The following PI4K2B variants were observed in gnomAD, a reference collection of about 807,000 sequenced individuals.
PI4K2B encodes phosphatidylinositol 4-kinase type 2 beta, also known as phosphatidylinositol 4-kinase type 2-beta.
Under a neutral mutation model 56.6 loss-of-function variants are expected in PI4K2B, and 46 were observed. The observed-to-expected ratio is 0.81, with a 90% CI of 0.64 to 1.04. PI4K2B has a LOEUF of 1.04. PI4K2B is among the 50% of genes least tolerant of loss of function. The probability of loss-of-function intolerance (pLI) is 0.00; values close to 1 mark genes in which losing one functional copy is unlikely to be tolerated. For synonymous variants in PI4K2B, 211 were observed against 223.8 expected (o/e 0.94, Z 0.51); for missense variants, 556 against 607.7 (o/e 0.91, Z 0.89).
Position 25,265,198 on chromosome 4 carries a change from C to CAAAAAAAAAAAAAAAAAAA in PI4K2B, c.1078+1354_1078+1372dup, listed in dbSNP as rs71188933. On this transcript the variant is annotated intron_variant, in intron 7 of 9. Transcript: ENST00000264864. Reference sequence around the variant, plus strand: ...CAACAAGAGTAAATCTCTGTCTCACCAAAAAAAAAAAAAAAAAAAAAAATT... The same window carrying CAAAAAAAAAAAAAAAAAAA: ...CAACAAGAGTAAATCTCTGTCTCACCAAAAAAAAAAAAAAAAAAAAAAAAAAAAAAAAAAAAAAAAAATT... 1.1e-3 allele frequency among the ~76,000 whole-genome samples: 73 copies of CAAAAAAAAAAAAAAAAAAA among 65,392 alleles called. 1 individual carries two copies. The highest frequency in any genetic ancestry group is 1.5e-3 in the Non-Finnish European group (57 of 39,118). The allele number at this position is 65,392 out of a possible 152,430, so 42.9% of individuals were successfully genotyped here.
At chr4:25,244,733 G>A (rs905136575) in intron 1 of PI4K2B, among the ~76,000 whole-genome samples, 15 of 152,052 alleles carry the variant, frequency 9.9e-5, no homozygotes, top group African/African-American at 2.4e-4. Context: ...CCAAGAACCC[G>A]CAACGGTCCC....
In PI4K2B at chr4:25,237,891, G is replaced by GA. The variant is rs540616642; in HGVS notation, c.268+3467dup. On this transcript the variant is annotated intron_variant, in intron 1 of 9. Coordinates refer to ENST00000264864, the MANE Select transcript of PI4K2B (RefSeq NM_018323.4). The stretch of plus-strand genomic sequence containing the variant: ...TACAGAAAAAGACCCTGTCTCAAAA[G>GA]AAAAAAAGAAAAAGCACAAAGAAGT... Among the ~76,000 whole-genome samples, 176 of 152,048 alleles carry GA rather than the reference G, an allele frequency of 1.2e-3. 2 individuals are homozygous for GA. The South Asian group carries it at 0.022, about 19-fold the overall frequency.
At chr4:25,252,590 C>A in intron 2 of PI4K2B, 115 bp downstream of exon 2, 1 of 820,110 alleles carries the variant, frequency 1.2e-6, no homozygotes, top group Non-Finnish European at 1.9e-6. Context: ...ATTGTAACCT[C>A]TTTTCCAAAA....
chr4:25,251,806 A>ATGTTGT (rs386356765), intron 1 of PI4K2B, among the ~76,000 whole-genome samples: 198 of 117,798 alleles, frequency 1.7e-3, no homozygotes, highest in African/African-American at 5.4e-3. Flanking sequence ...ACTTCCTCCC[A>ATGTTGT]TGTTGTTGTT....
intron 1 of PI4K2B, among the ~76,000 whole-genome samples, chr4:25,237,599 C>T (rs1265481223): frequency 6.6e-6 from 1 of 152,196 alleles, no homozygotes; most frequent in Admixed American, 6.5e-5. Flanking sequence ...CTCCTGACCT[C>T]AGATGATCCT....
At chr4:25,259,580 A>G (rs903042548) in intron 5 of PI4K2B, among the ~76,000 whole-genome samples, 1 of 152,172 alleles carries the variant, frequency 6.6e-6, no homozygotes, top group Non-Finnish European at 1.5e-5. Context: ...TTCCTGTGCT[A>G]TAAAGGAGCA....
intron 1 of PI4K2B, among the ~76,000 whole-genome samples, chr4:25,237,662 T>C (rs1057040696): frequency 6.6e-6 from 1 of 152,198 alleles, no homozygotes; most frequent in African/African-American, 2.4e-5. Context: ...TGCCTGGCCT[T>C]GTTCTCATTT....
chr4:25,249,840 T>C (rs1038515089), intron 1 of PI4K2B, among the ~76,000 whole-genome samples: 5 of 152,150 alleles, frequency 3.3e-5, no homozygotes, highest in Non-Finnish European at 7.4e-5. Flanking sequence ...GAGACTGCAA[T>C]CTCGGCACTT....
intron 4 of PI4K2B, chr4:25,258,527 TA>T: frequency 1.9e-6 from 1 of 533,194 alleles, no homozygotes; most frequent in African/African-American, 2.1e-5. Context: ...ATTTTTAAAA[TA>T]AAATAATTTA....
intron 9 of PI4K2B, among the ~76,000 whole-genome samples, chr4:25,274,599 T>C (rs1717030183): frequency 6.6e-6 from 1 of 152,160 alleles, no homozygotes; most frequent in Non-Finnish European, 1.5e-5. Flanking sequence ...CTTACATGGC[T>C]TTTCCCTCAT....
chr4:25,234,299 G>C lies in PI4K2B; in HGVS notation c.136G>C (p.Ala46Pro), dbSNP rs1363203897. ...AHPRRGAPGS[A>P]VRLLDAAGEE... Reference sequence around the variant, plus strand: ...CCCGCGGAGAGGCGCCCCAGGCAGCGCCGTGAGGCTGCTGGACGCTGCCGG... The same window carrying C: ...CCCGCGGAGAGGCGCCCCAGGCAGCCCCGTGAGGCTGCTGGACGCTGCCGG... The change falls in exon 1 of 10, where the codon GCC becomes CCC. Residue 46 changes from alanine to proline, a missense_variant. Ala to Pro is a conservative substitution (Grantham distance 27). Transcript: ENST00000264864. The C allele has an allele frequency of 7.1e-7, 1 of 1,417,556 alleles. No individual in the cohort carries two copies. The highest frequency in any genetic ancestry group is 1.5e-5 in the African/African-American group (1 of 67,466). 87.8% of individuals were successfully genotyped at this position (1,417,556 alleles called of 1,614,324 possible). A position where few individuals can be genotyped will look rare whatever the true frequency, so the allele number is the denominator to read the frequency against.
intron 3 of PI4K2B, among the ~76,000 whole-genome samples, chr4:25,255,792 C>T (rs756164057): frequency 6.7e-6 from 1 of 149,716 alleles, no homozygotes; most frequent in African/African-American, 2.5e-5. Context: ...TATCATGGCT[C>T]ACTGCAGCCT....
chr4:25,258,252 G>C (rs1482366306), intron 4 of PI4K2B, among the ~76,000 whole-genome samples: 1 of 132,488 alleles, frequency 7.5e-6, no homozygotes, highest in African/African-American at 2.7e-5. Flanking sequence ...GTGTCGCCTA[G>C]GTTGGAGTGC....
intron 3 of PI4K2B, 136 bp from the exon 4 acceptor site, chr4:25,256,407 G>C: frequency 1.2e-6 from 1 of 803,024 alleles, no homozygotes; most frequent in Admixed American, 2.9e-5. Context: ...TGGCTTTTCT[G>C]TTTTAGATTC....
intron 1 of PI4K2B, among the ~76,000 whole-genome samples, chr4:25,239,590 C>T (rs1715428901): frequency 6.6e-6 from 1 of 152,218 alleles, no homozygotes; most frequent in African/African-American, 2.4e-5. Flanking sequence ...CCACACGCAA[C>T]CCCAGTTCCC....
At chr4:25,253,855 T>C (rs936927655) in intron 2 of PI4K2B, among the ~76,000 whole-genome samples, 3 of 152,174 alleles carry the variant, frequency 2.0e-5, no homozygotes, top group Admixed American at 1.3e-4. Flanking sequence ...CACTGCAACC[T>C]CCACCTCCCG....
rs952070762 is a variant in PI4K2B, at chr4:25,279,164, C to A, written c.*1977C>A. 2 of 144,638 alleles carry A rather than the reference C, an allele frequency of 1.4e-5. No homozygotes were observed. The highest frequency in any genetic ancestry group is 5.1e-5 in the African/African-American group (2 of 39,424). 9.0% of individuals were successfully genotyped at this position (144,638 alleles called of 1,614,324 possible). The stretch of plus-strand genomic sequence containing the variant: ...CACATTTACTATAAATGATGCCAAA[C>A]TATCATTTTCTTCATATATTAAAGG... On this transcript the variant is annotated 3_prime_UTR_variant, in exon 10 of 10. Coordinates refer to ENST00000264864, the MANE Select transcript of PI4K2B (RefSeq NM_018323.4).
intron 1 of PI4K2B, among the ~76,000 whole-genome samples, chr4:25,245,611 C>T (rs974394131): frequency 1.3e-5 from 2 of 152,154 alleles, no homozygotes; most frequent in Admixed American, 6.5e-5. Flanking sequence ...GCCTGAGACC[C>T]GTGTCTTTAG....
At chr4:25,267,460 C>T (rs1716707869) in intron 7 of PI4K2B, among the ~76,000 whole-genome samples, 1 of 152,216 alleles carries the variant, frequency 6.6e-6, no homozygotes, top group Admixed American at 6.5e-5. Flanking sequence ...GAGGCTGAGG[C>T]GAGAGAATTG....
Sources: gnomAD v4.1 joint callset for allele counts (sites outside exome capture counted in the v4.1 genomes callset) on GRCh38, gnomAD v4.1.1 for gene constraint, MANE v1.5 for transcripts, NCBI Gene and HGNC (gene_info 2026-07-23, HGNC 2026-07-21) for gene names.